EVI5: variants seen among roughly 807,000 people sequenced by gnomAD.
EVI5 encodes ecotropic viral integration site 5.
Under a neutral mutation model 112.0 loss-of-function variants are expected in EVI5, and 73 were observed. The ratio of observed to expected loss-of-function variants is 0.65; its 90% CI spans 0.54 to 0.79. The LOEUF (loss-of-function observed/expected upper bound fraction) is 0.79, where lower values mean the gene tolerates loss of function less well. EVI5 is among the 30% of genes least tolerant of loss of function. The pLI is 0.00. For synonymous variants in EVI5, 305 were observed against 319.9 expected (o/e 0.95, Z 0.50); for missense variants, 900 against 968.8 (o/e 0.93, Z 0.94).
chr1:92,731,783 T>C (rs1676517948), intron 2 of EVI5, among the ~76,000 whole-genome samples: 1 of 151,976 alleles, frequency 6.6e-6, no homozygotes, highest in African/African-American at 2.4e-5. Context: ...GCAAAAGTAA[T>C]TAAGTAAAGA....
In EVI5 at chr1:92,695,019, C is replaced by T. The variant is rs116467489; in HGVS notation, c.909+291G>A. ...GAGGTATGATTAACAGTGTAGGCTC[C>T]AAACTGCCTATGTTTGAATCCTGGT... On this transcript the variant is annotated intron_variant, in intron 7 of 19. Transcript: ENST00000684568. Among the ~76,000 whole-genome samples, 439 of 152,250 alleles carry T rather than the reference C, an allele frequency of 2.9e-3. 4 individuals carry two copies. The highest frequency in any genetic ancestry group is 0.01 in the African/African-American group (426 of 41,556).
At chr1:92,781,486 C>G (rs1684854027) in intron 1 of EVI5, among the ~76,000 whole-genome samples, 1 of 150,524 alleles carries the variant, frequency 6.6e-6, no homozygotes, top group Non-Finnish European at 1.5e-5. Flanking sequence ...GCACTTCAGA[C>G]CCTGTCTGAA....
chr1:92,595,408 C>A (rs550195185), intron 18 of EVI5, among the ~76,000 whole-genome samples: 1 of 151,754 alleles, frequency 6.6e-6, no homozygotes, highest in Non-Finnish European at 1.5e-5. Context: ...CACACCGAGG[C>A]CTGTTGTGGG....
chr1:92,756,488 C>T (rs1188859889), intron 1 of EVI5: 1 of 538,304 alleles, frequency 1.9e-6, no homozygotes, highest in Non-Finnish European at 3.8e-6. Flanking sequence ...AAGACTACAT[C>T]ATTACATCAT....
chr1:92,731,310 C>A (rs1676423176), intron 2 of EVI5, among the ~76,000 whole-genome samples: 1 of 152,038 alleles, frequency 6.6e-6, no homozygotes, highest in Non-Finnish European at 1.5e-5. Context: ...GTGAGTGAGG[C>A]CCCATTTCAA....
intron 6 of EVI5, among the ~76,000 whole-genome samples, chr1:92,696,163 C>T (rs911523): frequency 0.72 from 108,941 of 151,848 alleles, 39,847 homozygotes; most frequent in East Asian, 0.93. Context: ...AACTCCTGGG[C>T]TCAAGTGACC....
intron 15 of EVI5, among the ~76,000 whole-genome samples, chr1:92,625,259 A>T (rs1406338220): frequency 1.3e-5 from 2 of 152,150 alleles, no homozygotes; most frequent in Admixed American, 6.5e-5. Context: ...AACATGTTTT[A>T]AAAAAAGGCA....
chr1:92,530,265 T>C (rs1318615575), intron 19 of EVI5, among the ~76,000 whole-genome samples: 4 of 152,052 alleles, frequency 2.6e-5, no homozygotes, highest in Non-Finnish European at 4.4e-5. Flanking sequence ...AGGGCATCTC[T>C]GAAAAAAACG....
intron 1 of EVI5, among the ~76,000 whole-genome samples, chr1:92,791,171 C>A (rs1005906494): frequency 6.6e-6 from 1 of 152,196 alleles, no homozygotes; most frequent in Non-Finnish European, 1.5e-5. Context: ...TCATTCATTT[C>A]TTGACTTTGC....
At chr1:92,532,430 C>T (rs543736425) in intron 19 of EVI5, among the ~76,000 whole-genome samples, 2 of 152,194 alleles carry the variant, frequency 1.3e-5, no homozygotes, top group East Asian at 3.9e-4. Flanking sequence ...CTGGCCCAAG[C>T]AGACCTAGTA....
intron 13 of EVI5, among the ~76,000 whole-genome samples, chr1:92,652,091 A>G (rs893100042): frequency 2.0e-5 from 3 of 152,224 alleles, no homozygotes; most frequent in Non-Finnish European, 4.4e-5. Context: ...AGGCAGAAAT[A>G]ACCCAAATGT....
intron 13 of EVI5, among the ~76,000 whole-genome samples, chr1:92,656,036 C>T (rs2102101818): frequency 6.6e-6 from 1 of 152,220 alleles, no homozygotes; most frequent in African/African-American, 2.4e-5. Context: ...AAATACTGGA[C>T]ATAAATTGGA....
chr1:92,730,159 G>GACCAAGGCAGCAGCAAGCCATGATTA (rs1676215123), intron 2 of EVI5, among the ~76,000 whole-genome samples: 1 of 152,132 alleles, frequency 6.6e-6, no homozygotes, highest in African/African-American at 2.4e-5. Context: ...GAGCCCAGGA[G>GACCAAGGCAGCAGCAAGCCATGATTA]TTTAAGACCA....
At chr1:92,754,124 C>T (rs1680575095) in intron 1 of EVI5, among the ~76,000 whole-genome samples, 1 of 152,154 alleles carries the variant, frequency 6.6e-6, no homozygotes, top group Admixed American at 6.5e-5. Flanking sequence ...AACTACTATT[C>T]AGAAGAAACA....
chr1:92,607,164 T>C (rs753380586), intron 17 of EVI5, among the ~76,000 whole-genome samples: 1 of 152,116 alleles, frequency 6.6e-6, no homozygotes, highest in African/African-American at 2.4e-5. Flanking sequence ...CTCTAGTCTA[T>C]CCAGAAAACA....
chr1:92,626,643 A>C (rs1054963338), intron 14 of EVI5, among the ~76,000 whole-genome samples: 6 of 152,184 alleles, frequency 3.9e-5, no homozygotes, highest in African/African-American at 1.4e-4. Flanking sequence ...TTTCACTAGC[A>C]ATGTATGAGG....
chr1:92,780,877 A>T (rs1299545296), intron 1 of EVI5, among the ~76,000 whole-genome samples: 1 of 148,184 alleles, frequency 6.7e-6, no homozygotes, highest in Non-Finnish European at 1.5e-5. Flanking sequence ...TTTGAGACCG[A>T]GTCTCACTCT....
upstream of EVI5, among the ~76,000 whole-genome samples, chr1:92,785,429 G>A (rs1399297020): frequency 6.6e-6 from 1 of 152,238 alleles, no homozygotes; most frequent in Non-Finnish European, 1.5e-5. Context: ...CCGACGCGGA[G>A]CCTGACTTTC....
At chr1:92,654,331 A>G (rs1337015978) in intron 13 of EVI5, among the ~76,000 whole-genome samples, 1 of 152,154 alleles carries the variant, frequency 6.6e-6, no homozygotes, top group East Asian at 1.9e-4. Flanking sequence ...GAAATGAGAT[A>G]AGATTCTTGA....
Sources: allele counts gnomAD v4.1 joint callset (sites outside exome capture counted in the v4.1 genomes callset), GRCh38; gene constraint gnomAD v4.1.1; transcripts MANE v1.5; gene names NCBI Gene and HGNC (gene_info 2026-07-23, HGNC 2026-07-21).